ERAP1: variants seen among roughly 807,000 people sequenced by gnomAD.
The protein encoded by ERAP1 is adipocyte-derived leucine aminopeptidase.
Under a neutral mutation model 103.7 loss-of-function variants are expected in ERAP1, and 86 were observed. The observed-to-expected ratio is 0.83, with a 90% CI of 0.70 to 0.99. The LOEUF (loss-of-function observed/expected upper bound fraction) is 0.99. Among genes scored for constraint, ERAP1 ranks in the 50% least tolerant of loss-of-function variants. The pLI is 0.00. For missense variants in ERAP1, 1,009 were observed against 1,128.4 expected (o/e 0.89, Z 1.52); for synonymous variants, 398 against 402.4 (o/e 0.99, Z 0.13).
the ERAP1 span, among the ~76,000 whole-genome samples, chr5:96,877,853 G>A: frequency 9.3e-6 from 1 of 107,084 alleles, no homozygotes; most frequent in Non-Finnish European, 2.0e-5. Flanking sequence ...AGAGGGAGAA[G>A]TATCTTTAAT....
intron 18 of ERAP1, chr5:96,776,763 T>C: frequency 2.0e-6 from 1 of 507,012 alleles, no homozygotes; most frequent in East Asian, 3.0e-5. Flanking sequence ...GCAGTTCTTT[T>C]GTTTATTCTC....
Position 96,776,133 on chromosome 5 carries a change from A to G in ERAP1, c.*263T>C, listed in dbSNP as rs1301462227. Reference sequence around the variant, plus strand: ...GCATAAACTATAAAATGAGAAGAATAAGGTACTTTATTCTTCTGTGGCAGG... The same window carrying G: ...GCATAAACTATAAAATGAGAAGAATGAGGTACTTTATTCTTCTGTGGCAGG... On this transcript the variant is annotated 3_prime_UTR_variant, in exon 19 of 19. Transcript: ENST00000443439. 3 of 1,442,652 alleles carry G rather than the reference A, an allele frequency of 2.1e-6. No homozygotes were observed. In the East Asian group the frequency reaches 9.1e-5, roughly 44 times the overall value. The allele number at this position is 1,442,652 out of a possible 1,614,324, so 89.4% of individuals were successfully genotyped here.
the ERAP1 span, among the ~76,000 whole-genome samples, chr5:96,827,821 A>G: frequency 6.6e-6 from 1 of 152,196 alleles, no homozygotes; most frequent in Non-Finnish European, 1.5e-5. Context: ...AATTTAAGTC[A>G]CCAAATGCTA....
At chr5:96,886,295 T>C in the ERAP1 span, among the ~76,000 whole-genome samples, 1 of 152,270 alleles carries the variant, frequency 6.6e-6, no homozygotes. Context: ...GGGGCCATTA[T>C]CTGGTATTTT....
intron 4 of ERAP1, 30 bp downstream of exon 4, chr5:96,797,145 G>A (rs753277691): frequency 6.2e-7 from 1 of 1,613,482 alleles, no homozygotes; most frequent in Non-Finnish European, 8.5e-7. Flanking sequence ...AGAACAAGCT[G>A]GTCACCATAT....
the ERAP1 span, among the ~76,000 whole-genome samples, chr5:96,856,394 A>AGAGC: frequency 1.6e-5 from 2 of 123,762 alleles, no homozygotes; most frequent in African/African-American, 5.8e-5. Flanking sequence ...AGAGAGAGAG[A>AGAGC]GCAAATACTT....
chr5:96,801,682 T>C (rs1778008927), intron 2 of ERAP1, among the ~76,000 whole-genome samples: 1 of 151,226 alleles, frequency 6.6e-6, no homozygotes, highest in Admixed American at 6.6e-5. Flanking sequence ...TGAAACCCCA[T>C]CTCTACTAAA....
At chr5:96,889,056 C>A in the ERAP1 span, 1 of 1,115,522 alleles carries the variant, frequency 9.0e-7, no homozygotes, top group Non-Finnish European at 1.3e-6. Flanking sequence ...TTATTGACAA[C>A]ATGCTTAATG....
At chr5:96,902,315 C>T in the ERAP1 span, 12 of 1,612,390 alleles carry the variant, frequency 7.4e-6, no homozygotes, top group Non-Finnish European at 1.0e-5. Context: ...ACGAGTTCTT[C>T]TAATGTGATC....
intron 3 of ERAP1, among the ~76,000 whole-genome samples, chr5:96,798,581 C>CT (rs3076631): frequency 0.27 from 40,024 of 149,232 alleles, 5,299 homozygotes; most frequent in East Asian, 0.31. Flanking sequence ...CTGACCTCAT[C>CT]TTTTTTTTTT....
chr5:96,777,554 G>A lies in ERAP1; in HGVS notation c.2671-1003C>T, dbSNP rs568167861. ...TGTCAATACAGTGCAACTTTACAAT[G>A]AGCAGAAGGCATGGCCTCCTGCTGT... On this transcript the variant is annotated intron_variant, in intron 18 of 18. Coordinates refer to ENST00000443439, the MANE Select transcript of ERAP1 (RefSeq NM_001040458.3). Among the ~76,000 whole-genome samples the A allele has an allele frequency of 7.9e-5, 12 of 152,016 alleles. No individual in the cohort carries two copies. In the South Asian group the frequency reaches 2.3e-3, roughly 29 times the overall value.
At position 96,785,853 on chromosome 5, in the gene ERAP1, T is replaced by G. The variant is rs1251079669; in HGVS notation, c.1878A>C (p.Gly626=). ...GWDSLTGLLK[G]THTAVSSNDR... ...CATTACTGCTGACTGCTGTGTGTGT[T>G]CCTTTTAAAAGGCCAGTCAAAGAGT... Residue 626 remains glycine (G), a synonymous_variant, in exon 13 of 19, where the codon GGA becomes GGC. Coordinates refer to ENST00000443439, the MANE Select transcript of ERAP1 (RefSeq NM_001040458.3). 16 of 1,614,082 alleles carry G rather than the reference T, an allele frequency of 9.9e-6. No individual in the cohort carries two copies. The highest frequency in any genetic ancestry group is 1.4e-5 in the Non-Finnish European group (16 of 1,180,036).
chr5:96,909,658 C>T, the ERAP1 span: 3 of 1,614,066 alleles, frequency 1.9e-6, no homozygotes, highest in African/African-American at 2.7e-5. Flanking sequence ...GGACAGGATG[C>T]TCCGCTCGGC....
chr5:96,876,463 T>C, the ERAP1 span: 8 of 152,474 alleles, frequency 5.2e-5, no homozygotes, highest in African/African-American at 1.9e-4. Context: ...TTCTGAATCT[T>C]AGAACAGAAA....
At chr5:96,814,173 C>G in the ERAP1 span, 4 of 451,248 alleles carry the variant, frequency 8.9e-6, no homozygotes, top group Non-Finnish European at 1.8e-5. Flanking sequence ...CATCATTGTT[C>G]CAGCATTCCG....
intron 18 of ERAP1, among the ~76,000 whole-genome samples, chr5:96,777,240 C>T (rs1373338294): frequency 6.6e-6 from 1 of 152,164 alleles, no homozygotes; most frequent in Non-Finnish European, 1.5e-5. Context: ...GATAGGCTGG[C>T]TTTGCCACAA....
chr5:96,781,441 A>G (rs1312932808), intron 16 of ERAP1, among the ~76,000 whole-genome samples: 1 of 152,178 alleles, frequency 6.6e-6, no homozygotes, highest in Non-Finnish European at 1.5e-5. Flanking sequence ...TAGTTAAGGA[A>G]GAGTAGCTCT....
chr5:96,917,554 G>A, the ERAP1 span: 6 of 1,613,796 alleles, frequency 3.7e-6, no homozygotes, highest in African/African-American at 1.3e-5. Context: ...ATATAAAATG[G>A]CTGGAGAAGA....
the ERAP1 span, among the ~76,000 whole-genome samples, chr5:96,907,197 A>T: frequency 2.6e-5 from 4 of 152,234 alleles, no homozygotes; most frequent in African/African-American, 7.2e-5. Context: ...CTTTAAGCTA[A>T]ACAAACATTC....
Sources: allele counts gnomAD v4.1 joint callset (sites outside exome capture counted in the v4.1 genomes callset), GRCh38; gene constraint gnomAD v4.1.1; transcripts MANE v1.5; gene names NCBI Gene and HGNC (gene_info 2026-07-23, HGNC 2026-07-21).